Variants in LRPPRC observed in about 807,000 individuals in gnomAD.
The protein encoded by LRPPRC is leucine rich pentatricopeptide repeat containing.
Under a neutral mutation model 180.3 loss-of-function variants are expected in LRPPRC, and 120 were observed. The observed-to-expected ratio is 0.67, with a 90% confidence interval of 0.57 to 0.77. LRPPRC has a LOEUF of 0.77. Ranked by LOEUF, LRPPRC falls within the 30% of genes least tolerant of loss-of-function variation. The pLI is 0.00. For synonymous variants in LRPPRC, 723 were observed against 600.0 expected (o/e 1.21, Z -3.00); for missense variants, 2,012 against 1,657.2 (o/e 1.21, Z -3.72).
At position 43,943,832 on chromosome 2, in the gene LRPPRC, A is replaced by G; in HGVS notation, c.2359T>C (p.Leu787=). ...CCATTTAGCATGTGGAAAAAGGACA[A>G]GGCTGTTGTATCTTTGATAAGAACA... The part of the protein sequence containing the change: ...KDVLIKDTTA[L]SFFHMLNGAA... The change falls in exon 23 of 38, where the codon TTG becomes CTG. Residue 787 remains leucine (L), a synonymous_variant. Transcript: ENST00000260665. 1 of 1,613,406 alleles carries G rather than the reference A, an allele frequency of 6.2e-7. No individual in the cohort carries two copies. The highest frequency in any genetic ancestry group is 8.5e-7 in the Non-Finnish European group (1 of 1,179,424).
intron 31 of LRPPRC, 111 bp from the exon 32 acceptor site, chr2:43,901,635 T>A (rs1670890271): frequency 2.8e-6 from 2 of 709,134 alleles, no homozygotes; most frequent in South Asian, 3.2e-5. Flanking sequence ...AACAAAAAGC[T>A]ATGAATAATT....
At position 43,950,618 on chromosome 2, in the gene LRPPRC, G is replaced by A; in HGVS notation, c.1650-18C>T. On this transcript the variant is annotated intron_variant, in intron 14 of 37. Transcript: ENST00000260665. ...TCATAGACCTGCAGAGGGCAGCAAA[G>A]GATCGAAAATAAACCCAGGTTTATT... The A allele has an allele frequency of 6.2e-7, 1 of 1,610,618 alleles. No homozygotes were observed. Among genetic ancestry groups the A allele is most frequent in the Non-Finnish European group, 8.5e-7 (1 of 1,176,976 alleles).
At chr2:43,908,936 G>A (rs766621835) in intron 30 of LRPPRC, among the ~76,000 whole-genome samples, 31 of 152,144 alleles carry the variant, frequency 2.0e-4, no homozygotes, top group African/African-American at 6.3e-4. Flanking sequence ...ATACTAGGGC[G>A]GTACCGCCAC....
At chr2:43,917,788 C>CA (rs960960290) in intron 29 of LRPPRC, among the ~76,000 whole-genome samples, 13 of 151,534 alleles carry the variant, frequency 8.6e-5, no homozygotes, top group East Asian at 1.9e-4. Context: ...GACTTCATCT[C>CA]AAAAAAAATA....
At chr2:43,963,498 G>T in intron 12 of LRPPRC, 90 bp downstream of exon 12, 1 of 870,208 alleles carries the variant, frequency 1.1e-6, no homozygotes, top group Non-Finnish European at 2.0e-6. Context: ...TGAGTCCTCA[G>T]TTCAATGACT....
At chr2:43,936,229 G>A (rs1672273162) in intron 23 of LRPPRC, among the ~76,000 whole-genome samples, 1 of 152,150 alleles carries the variant, frequency 6.6e-6, no homozygotes, top group African/African-American at 2.4e-5. Context: ...GTAAACAGAG[G>A]AAGGTACTAG....
chr2:43,903,261 G>A (rs937893873), intron 31 of LRPPRC: 1 of 152,158 alleles, frequency 6.6e-6, no homozygotes, highest in Admixed American at 6.5e-5. Flanking sequence ...CTTTCCCACT[G>A]TCACCTAATT....
At chr2:43,995,317 T>C (rs1029767911) in intron 1 of LRPPRC, among the ~76,000 whole-genome samples, 1 of 152,174 alleles carries the variant, frequency 6.6e-6, no homozygotes, top group African/African-American at 2.4e-5. Context: ...CTTTAAGTCA[T>C]CCGTGGCTCA....
At chr2:43,981,484 C>G (rs750296201) in intron 2 of LRPPRC, among the ~76,000 whole-genome samples, 1 of 152,010 alleles carries the variant, frequency 6.6e-6, no homozygotes, top group Non-Finnish European at 1.5e-5. Context: ...CATGGTGAAA[C>G]CCCGTCCCTA....
chr2:43,912,703 A>G (rs924125028), intron 29 of LRPPRC, 145 bp from the exon 30 acceptor site: 6 of 637,912 alleles, frequency 9.4e-6, no homozygotes, highest in Admixed American at 7.9e-5. Flanking sequence ...AGAGAGACAC[A>G]CTGACATAAT....
intron 7 of LRPPRC, 64 bp downstream of exon 7, chr2:43,975,027 G>A: frequency 3.2e-6 from 5 of 1,543,798 alleles, no homozygotes; most frequent in Non-Finnish European, 4.4e-6. Flanking sequence ...CCTGCCTCAT[G>A]TAAAACATAA....
intron 25 of LRPPRC, among the ~76,000 whole-genome samples, chr2:43,932,617 T>C (rs1372105374): frequency 6.6e-6 from 1 of 152,146 alleles, no homozygotes; most frequent in Non-Finnish European, 1.5e-5. Flanking sequence ...CATCATATTT[T>C]GAATTATGTG....
chr2:43,913,402 G>A (rs1316431662), intron 29 of LRPPRC, among the ~76,000 whole-genome samples: 1 of 152,092 alleles, frequency 6.6e-6, no homozygotes, highest in East Asian at 1.9e-4. Flanking sequence ...ACGAATATAG[G>A]GCTCAATGTA....
At chr2:43,991,965 A>T (rs748264384) in intron 1 of LRPPRC, among the ~76,000 whole-genome samples, 1 of 152,206 alleles carries the variant, frequency 6.6e-6, no homozygotes, top group African/African-American at 2.4e-5. Context: ...GATTCACTCA[A>T]CAAACATTTG....
intron 23 of LRPPRC, among the ~76,000 whole-genome samples, chr2:43,937,972 G>T (rs1483550974): frequency 6.6e-6 from 1 of 152,130 alleles, no homozygotes; most frequent in Non-Finnish European, 1.5e-5. Context: ...TTTAAATCCT[G>T]CTAAGAAATA....
rs1446839017 is a variant in LRPPRC, at chr2:43,995,825, G to A, written c.123C>T (p.Pro41=). 1.4e-6 allele frequency: 2 copies of A among 1,418,682 alleles called. No individual in the cohort carries two copies. The highest frequency in any genetic ancestry group is 1.8e-6 in the Non-Finnish European group (2 of 1,098,094). The allele number at this position is 1,418,682 out of a possible 1,614,324, so 87.9% of individuals were successfully genotyped here. Residue 41 remains proline, a synonymous_variant, in exon 1 of 38, where the codon CCC becomes CCT. Transcript: ENST00000260665. ...PGRLHAASYL[P]AARAGPVAGG... ...CGGCCACGGGCCCGGCGCGAGCGGC[G>A]GGCAGATAGGAGGCGGCATGCAGCC...
In LRPPRC at chr2:43,896,619, G is replaced by GAT; in HGVS notation, c.3900+14_3900+15insAT. On this transcript the variant is annotated intron_variant, in intron 35 of 37. Coordinates refer to ENST00000260665, the MANE Select transcript of LRPPRC (RefSeq NM_133259.4). The stretch of plus-strand genomic sequence containing the variant: ...GTACAGTATCATTGATTTGTAAGCA[G>GAT]GTAAAGCACAGTACCTTTCCTTGTT... 1 of 1,554,510 alleles carries GAT rather than the reference G, an allele frequency of 6.4e-7. No individual in the cohort carries two copies. The highest frequency in any genetic ancestry group is 2.2e-5 in the East Asian group (1 of 44,466).
At chr2:43,907,745 C>G (rs1048501862) in intron 30 of LRPPRC, among the ~76,000 whole-genome samples, 1 of 152,136 alleles carries the variant, frequency 6.6e-6, no homozygotes, top group African/African-American at 2.4e-5. Flanking sequence ...AGAGTACCCT[C>G]TTTCAATTTA....
chr2:43,888,911 T>TGC (rs1177292561), intron 37 of LRPPRC, among the ~76,000 whole-genome samples: 1 of 152,154 alleles, frequency 6.6e-6, no homozygotes, highest in Admixed American at 6.5e-5. Flanking sequence ...CATGTGTGTG[T>TGC]GCACATATGG....
Sources: gnomAD v4.1 joint callset for allele counts (sites outside exome capture counted in the v4.1 genomes callset) on GRCh38, gnomAD v4.1.1 for gene constraint, MANE v1.5 for transcripts, NCBI Gene and HGNC (gene_info 2026-07-23, HGNC 2026-07-21) for gene names.